FBXO36: variants seen among roughly 807,000 people sequenced by gnomAD.
The protein encoded by FBXO36 is F-box only protein 36.
FBXO36 carries 18 observed loss-of-function variants against 17.0 expected under a neutral mutation model. The ratio of observed to expected loss-of-function variants is 1.06; its 90% CI spans 0.73 to 1.57. FBXO36 has a LOEUF of 1.57. Among genes scored for constraint, FBXO36 ranks in the 40% most tolerant of loss-of-function variants. The probability of loss-of-function intolerance (pLI) is 0.00; values close to 1 mark genes in which losing one functional copy is unlikely to be tolerated. For missense variants in FBXO36, 229 were observed against 221.9 expected, an observed-to-expected ratio of 1.03 and a Z score of -0.20; for synonymous variants, 83 against 85.3, an observed-to-expected ratio of 0.97 and a Z score of 0.15.
intron 1 of FBXO36, among the ~76,000 whole-genome samples, chr2:229,957,304 C>T (rs537131601): frequency 4.6e-5 from 7 of 152,262 alleles, no homozygotes; most frequent in South Asian, 2.1e-4. Context: ...AGGCCGGGCA[C>T]GGTGGCTCAT....
intron 1 of FBXO36, among the ~76,000 whole-genome samples, chr2:229,949,510 T>G (rs1054378996): frequency 6.6e-6 from 1 of 150,718 alleles, no homozygotes; most frequent in African/African-American, 2.4e-5. Context: ...CAAGCATGTT[T>G]AGAATTATCC....
intron 2 of FBXO36, among the ~76,000 whole-genome samples, chr2:229,995,926 G>A (rs955693413): frequency 3.3e-5 from 5 of 151,232 alleles, no homozygotes; most frequent in African/African-American, 9.7e-5. Flanking sequence ...ATCAAATGAA[G>A]TTAGGGATGA....
intron 3 of FBXO36, among the ~76,000 whole-genome samples, chr2:230,010,238 G>A (rs983659192): frequency 6.6e-5 from 10 of 152,142 alleles, no homozygotes; most frequent in South Asian, 2.1e-4. Flanking sequence ...TCCAGCCTGG[G>A]CAACAAGAGC....
At chr2:229,958,638 G>A (rs2077104711) in intron 1 of FBXO36, among the ~76,000 whole-genome samples, 1 of 152,020 alleles carries the variant, frequency 6.6e-6, no homozygotes, top group Non-Finnish European at 1.5e-5. Context: ...TTGGGGTCAG[G>A]CCTCTATAAA....
intron 1 of FBXO36, among the ~76,000 whole-genome samples, chr2:229,939,646 G>T (rs938780073): frequency 6.6e-6 from 1 of 152,054 alleles, no homozygotes; most frequent in Non-Finnish European, 1.5e-5. Context: ...CATTTGGCTG[G>T]AAAAGTCGTT....
chr2:229,997,675 T>G (rs998452874), intron 3 of FBXO36, among the ~76,000 whole-genome samples: 1 of 152,132 alleles, frequency 6.6e-6, no homozygotes, highest in Non-Finnish European at 1.5e-5. Context: ...GCATTTCCTG[T>G]CTCCCAATAT....
intron 1 of FBXO36, among the ~76,000 whole-genome samples, chr2:229,947,194 G>A (rs888247037): frequency 6.6e-5 from 10 of 152,008 alleles, no homozygotes; most frequent in African/African-American, 2.2e-4. Flanking sequence ...ACAATAAGAA[G>A]CAAGTATAGA....
At chr2:230,007,822 CTGA>C (rs930022501) in intron 3 of FBXO36, among the ~76,000 whole-genome samples, 6 of 152,076 alleles carry the variant, frequency 3.9e-5, no homozygotes, top group African/African-American at 7.2e-5. Flanking sequence ...TCTCGAATTC[CTGA>C]TGTCAAATAA....
At chr2:230,008,851 T>G (rs940499414) in intron 3 of FBXO36, among the ~76,000 whole-genome samples, 2 of 152,226 alleles carry the variant, frequency 1.3e-5, no homozygotes, top group Non-Finnish European at 2.9e-5. Flanking sequence ...GAAGGAGAGA[T>G]AAGATAATGA....
At chr2:229,956,247 C>T (rs1437300127) in intron 1 of FBXO36, among the ~76,000 whole-genome samples, 1 of 152,202 alleles carries the variant, frequency 6.6e-6, no homozygotes, top group Middle Eastern at 3.2e-3. Context: ...TTGGCTTCTG[C>T]CGAGGCCTCT....
intron 1 of FBXO36, among the ~76,000 whole-genome samples, chr2:229,938,264 C>G (rs1008162861): frequency 1.5e-5 from 2 of 133,424 alleles, no homozygotes; most frequent in Non-Finnish European, 3.1e-5. Flanking sequence ...TCTTGTCGCC[C>G]AGGCTGGAGT....
rs575262538 is a variant in FBXO36 at position 229,938,462 on chromosome 2, G to A, written c.96+15853G>A. Among the ~76,000 whole-genome samples the A allele has an allele frequency of 2.1e-4, 31 of 148,026 alleles. No homozygotes were observed. In the East Asian group the frequency reaches 5.0e-3, roughly 24 times the overall value. On this transcript the variant is annotated intron_variant, in intron 1 of 3. Coordinates refer to ENST00000283946, the MANE Select transcript of FBXO36 (RefSeq NM_174899.5). ...ATGGCGTGAGCCACCGCGCCAGACC[G>A]GATTGGTTAGATACAACTTTCTTTT...
chr2:229,999,371 C>T (rs1350275045), intron 3 of FBXO36, among the ~76,000 whole-genome samples: 1 of 151,250 alleles, frequency 6.6e-6, no homozygotes, highest in Non-Finnish European at 1.5e-5. Context: ...AGGTGATCCA[C>T]CCACCTCGGC....
Position 230,010,959 on chromosome 2 carries a change from C to CTTT in FBXO36, c.*77_*79dup, listed in dbSNP as rs1236914631. 3 of 1,423,272 alleles carry CTTT rather than the reference C, an allele frequency of 2.1e-6. No individual in the cohort carries two copies. In the East Asian group the frequency reaches 7.5e-5, roughly 36 times the overall value. 88.2% of individuals were successfully genotyped at this position (1,423,272 alleles called of 1,614,324 possible). A position where few individuals can be genotyped will look rare whatever the true frequency, so the allele number is the denominator to read the frequency against. ...TCAGTGTCCAAATCTCTTCTGTCTC[C>CTTT]TTTTCTTAAGAACTAAGAGGTTTTG... On this transcript the variant is annotated 3_prime_UTR_variant, in exon 4 of 4. Transcript: ENST00000283946.
At chr2:229,965,174 A>C (rs1577344937) in intron 1 of FBXO36, among the ~76,000 whole-genome samples, 1 of 113,850 alleles carries the variant, frequency 8.8e-6, no homozygotes, top group African/African-American at 3.3e-5. Flanking sequence ...TGTAGAGATG[A>C]GGGTCTTACT....
At chr2:229,968,401 A>C (rs1008327583) in intron 1 of FBXO36, among the ~76,000 whole-genome samples, 2 of 152,196 alleles carry the variant, frequency 1.3e-5, no homozygotes, top group Non-Finnish European at 2.9e-5. Context: ...ACTGTTCACA[A>C]ACTTAAACTG....
intron 1 of FBXO36, chr2:229,945,099 G>A (rs1418788242): frequency 3.3e-5 from 5 of 152,156 alleles, no homozygotes; most frequent in South Asian, 2.1e-4. Context: ...GATGTGAAGC[G>A]GTAAACAATA....
At chr2:229,986,490 T>C (rs2077268846) in intron 2 of FBXO36, among the ~76,000 whole-genome samples, 1 of 152,090 alleles carries the variant, frequency 6.6e-6, no homozygotes, top group Non-Finnish European at 1.5e-5. Flanking sequence ...AGTGAGACCC[T>C]ATCTTAAAAT....
chr2:229,955,327 G>C (rs2077081344), intron 1 of FBXO36, among the ~76,000 whole-genome samples: 1 of 152,078 alleles, frequency 6.6e-6, no homozygotes, highest in South Asian at 2.1e-4. Context: ...CAGATTGTTT[G>C]AGCCTGGGCA....
Sources: allele counts gnomAD v4.1 joint callset (sites outside exome capture counted in the v4.1 genomes callset), GRCh38; gene constraint gnomAD v4.1.1; transcripts MANE v1.5; gene names NCBI Gene and HGNC (gene_info 2026-07-23, HGNC 2026-07-21).